FAM185A: variants seen among roughly 807,000 people sequenced by gnomAD.
FAM185A encodes protein FAM185A.
FAM185A carries 21 observed loss-of-function variants against 45.7 expected under a neutral mutation model. The observed-to-expected ratio is 0.46, with a 90% CI of 0.33 to 0.66. The LOEUF (loss-of-function observed/expected upper bound fraction) is 0.66, where lower values mean the gene tolerates loss of function less well. Ranked by LOEUF, FAM185A falls within the 30% of genes least tolerant of loss-of-function variation. FAM185A has a pLI of 0.03. For missense variants in FAM185A, 305 were observed against 485.4 expected (o/e 0.63, Z 3.49); for synonymous variants, 117 against 194.0 (o/e 0.60, Z 3.30).
the FAM185A span, among the ~76,000 whole-genome samples, chr7:102,826,738 T>TC: frequency 1.7e-5 from 1 of 58,594 alleles, no homozygotes; most frequent in Admixed American, 1.8e-4. Flanking sequence ...TATATATATA[T>TC]ATATATATAT....
intron 4 of FAM185A, among the ~76,000 whole-genome samples, chr7:102,771,721 T>C (rs1428298702): frequency 6.6e-6 from 1 of 152,216 alleles, no homozygotes; most frequent in Non-Finnish European, 1.5e-5. Flanking sequence ...GAGTTCCTGA[T>C]TCTAGGAATA....
At chr7:102,831,431 A>ACACCCC in the FAM185A span, among the ~76,000 whole-genome samples, 3 of 147,126 alleles carry the variant, frequency 2.0e-5, no homozygotes, top group African/African-American at 5.0e-5. Flanking sequence ...ACACACACAC[A>ACACCCC]CCCCACTACA....
chr7:102,763,223 ATTACT>A (rs923899399), intron 4 of FAM185A, among the ~76,000 whole-genome samples: 20 of 152,330 alleles, frequency 1.3e-4, no homozygotes, highest in African/African-American at 4.8e-4. Flanking sequence ...AGGTCTGTTG[ATTACT>A]TAAAGTAGCT....
the FAM185A span, among the ~76,000 whole-genome samples, chr7:102,837,201 G>C: frequency 4.3e-3 from 655 of 152,314 alleles, 6 homozygotes; most frequent in African/African-American, 0.015. Flanking sequence ...AGTGGGACTG[G>C]TCATGGCCTG....
chr7:102,827,769 A>G, the FAM185A span, among the ~76,000 whole-genome samples: 1 of 152,168 alleles, frequency 6.6e-6, no homozygotes, highest in East Asian at 1.9e-4. Context: ...GAGTGAGAAC[A>G]TGCAGTGTTT....
intron 6 of FAM185A, among the ~76,000 whole-genome samples, chr7:102,784,675 A>T (rs1350593858): frequency 2.0e-5 from 3 of 152,212 alleles, no homozygotes. Context: ...TATTGCTGGG[A>T]TGTATCTCAA....
At chr7:102,781,217 TG>T (rs1795384371) in intron 6 of FAM185A, among the ~76,000 whole-genome samples, 1 of 152,196 alleles carries the variant, frequency 6.6e-6, no homozygotes, top group Admixed American at 6.5e-5. Flanking sequence ...TGCCTGCCTC[TG>T]TAGACTCCAC....
chr7:102,754,359 C>A (rs1793560959), intron 2 of FAM185A, among the ~76,000 whole-genome samples: 1 of 152,230 alleles, frequency 6.6e-6, no homozygotes, highest in African/African-American at 2.4e-5. Flanking sequence ...CGCTATCATG[C>A]TCGGCTAATT....
chr7:102,752,760 G>C (rs1208799164), intron 2 of FAM185A, among the ~76,000 whole-genome samples: 1 of 143,142 alleles, frequency 7.0e-6, no homozygotes, highest in Non-Finnish European at 1.5e-5. Context: ...ACTGGTGTTA[G>C]CTGTAAATAG....
At chr7:102,786,793 C>T (rs568575231) in intron 6 of FAM185A, among the ~76,000 whole-genome samples, 142 of 150,488 alleles carry the variant, frequency 9.4e-4, no homozygotes, top group African/African-American at 3.3e-3. Context: ...CTAACCTGCA[C>T]GTTGTGCACA....
chr7:102,794,435 A>C (rs968643430), intron 7 of FAM185A, among the ~76,000 whole-genome samples: 17 of 152,356 alleles, frequency 1.1e-4, no homozygotes, highest in African/African-American at 3.8e-4. Flanking sequence ...CATTAGGGAA[A>C]TGCACATTAA....
intron 4 of FAM185A, among the ~76,000 whole-genome samples, chr7:102,768,697 A>T (rs1794558744): frequency 6.6e-6 from 1 of 150,494 alleles, no homozygotes; most frequent in Admixed American, 6.7e-5. Flanking sequence ...AATTGATTAC[A>T]TTTTTTTTTC....
chr7:102,849,741 C>T, the FAM185A span, among the ~76,000 whole-genome samples: 1 of 151,916 alleles, frequency 6.6e-6, no homozygotes, highest in Non-Finnish European at 1.5e-5. Context: ...CTGGAGGAGG[C>T]AAGGGGAAAG....
the FAM185A span, among the ~76,000 whole-genome samples, chr7:102,815,038 T>G: frequency 6.6e-6 from 1 of 152,200 alleles, no homozygotes; most frequent in African/African-American, 2.4e-5. Context: ...TAAGACTTAC[T>G]GAAATATAAT....
chr7:102,830,354 C>G, the FAM185A span, among the ~76,000 whole-genome samples: 5 of 152,188 alleles, frequency 3.3e-5, no homozygotes, highest in Non-Finnish European at 7.3e-5. Flanking sequence ...CAGGGCAGTT[C>G]TCACTTCTCA....
chr7:102,762,691 G>A (rs1179601618), intron 4 of FAM185A, among the ~76,000 whole-genome samples: 1 of 152,032 alleles, frequency 6.6e-6, no homozygotes. Flanking sequence ...ATTTTAAAAA[G>A]CATACTTATA....
At chr7:102,778,219 A>G (rs1189621436) in intron 6 of FAM185A, among the ~76,000 whole-genome samples, 2 of 152,236 alleles carry the variant, frequency 1.3e-5, no homozygotes, top group African/African-American at 4.8e-5. Flanking sequence ...AGAATTTGTC[A>G]GTGTCAAAAC....
At chr7:102,828,775 C>T in the FAM185A span, among the ~76,000 whole-genome samples, 2 of 152,124 alleles carry the variant, frequency 1.3e-5, no homozygotes, top group Non-Finnish European at 2.9e-5. Context: ...TCTGTGCATG[C>T]CCTGGGGATT....
chr7:102,754,817 A>G (rs545118851), intron 2 of FAM185A, among the ~76,000 whole-genome samples: 6 of 152,376 alleles, frequency 3.9e-5, no homozygotes, highest in African/African-American at 1.2e-4. Context: ...CCCTTAACTA[A>G]TTGAATGTCA....
Sources: allele counts gnomAD v4.1 joint callset (sites outside exome capture counted in the v4.1 genomes callset), GRCh38; gene constraint gnomAD v4.1.1; transcripts MANE v1.5; gene names NCBI Gene and HGNC (gene_info 2026-07-23, HGNC 2026-07-21).